LHCGR: variants seen among roughly 807,000 people sequenced by gnomAD.
LHCGR encodes the protein lutropin-choriogonadotropic hormone receptor.
In LHCGR, 55 loss-of-function variants were observed where a neutral mutation model predicts 60.7. That is an observed-to-expected ratio of 0.91 (90% CI 0.73 to 1.13). The LOEUF is 1.13. Among genes scored for constraint, LHCGR ranks in the 50% most tolerant of loss-of-function variants. The pLI is 0.00. For missense variants in LHCGR, 862 were observed against 836.0 expected, an observed-to-expected ratio of 1.03 and a Z score of -0.38; for synonymous variants, 337 against 316.5, an observed-to-expected ratio of 1.06 and a Z score of -0.69.
intron 6 of LHCGR, among the ~76,000 whole-genome samples, chr2:48,717,734 C>A (rs1668317894): frequency 6.6e-6 from 1 of 151,650 alleles, no homozygotes; most frequent in Non-Finnish European, 1.5e-5. Context: ...AGGTCAGTGG[C>A]CTGGGCTGCA....
chr2:48,714,129 G>C, intron 6 of LHCGR, 75 bp from the exon 7 acceptor site: 1 of 999,352 alleles, frequency 1.0e-6, no homozygotes, highest in Non-Finnish European at 1.6e-6. Flanking sequence ...TTTTCCTCCT[G>C]TAACATATAT....
intron 2 of LHCGR, among the ~76,000 whole-genome samples, chr2:48,730,888 T>C (rs1462686690): frequency 6.6e-6 from 1 of 152,220 alleles, no homozygotes; most frequent in Non-Finnish European, 1.5e-5. Flanking sequence ...GTGGGTGTTA[T>C]CTAAAAATGT....
chr2:48,689,236 TAATG>T (rs547273467), intron 10 of LHCGR, among the ~76,000 whole-genome samples: 13 of 152,014 alleles, frequency 8.6e-5, no homozygotes, highest in South Asian at 6.2e-4. Flanking sequence ...TACAAAAACT[TAATG>T]AAGCTCTTTA....
chr2:48,738,342 T>C (rs963171415), intron 1 of LHCGR, among the ~76,000 whole-genome samples: 1 of 152,208 alleles, frequency 6.6e-6, no homozygotes, highest in African/African-American at 2.4e-5. Flanking sequence ...ACATTGTCTC[T>C]TGCTTCCAGC....
intron 8 of LHCGR, among the ~76,000 whole-genome samples, chr2:48,703,513 C>G (rs1012911694): frequency 2.0e-5 from 3 of 152,164 alleles, no homozygotes; most frequent in African/African-American, 4.8e-5. Flanking sequence ...TTTCCTGACA[C>G]CATTTATTAA....
intron 1 of LHCGR, among the ~76,000 whole-genome samples, chr2:48,743,593 C>A (rs1353026590): frequency 6.6e-6 from 1 of 152,066 alleles, no homozygotes; most frequent in Non-Finnish European, 1.5e-5. Flanking sequence ...AGACAAAAAC[C>A]ACATGATTAT....
intron 1 of LHCGR, among the ~76,000 whole-genome samples, chr2:48,738,999 T>C (rs569831209): frequency 6.6e-6 from 1 of 152,340 alleles, no homozygotes; most frequent in African/African-American, 2.4e-5. Flanking sequence ...TGACTCACAC[T>C]TTCCTGATGT....
intron 3 of LHCGR, among the ~76,000 whole-genome samples, chr2:48,726,782 G>T (rs1287370024): frequency 1.3e-5 from 2 of 152,170 alleles, no homozygotes; most frequent in Non-Finnish European, 2.9e-5. Context: ...TTTCCTTATA[G>T]TGTTGTTTTT....
chr2:48,708,281 G>A (rs1341815185), intron 8 of LHCGR, among the ~76,000 whole-genome samples: 1 of 152,164 alleles, frequency 6.6e-6, no homozygotes, highest in East Asian at 1.9e-4. Flanking sequence ...GGGCATGCCA[G>A]ATCTTTGGCC....
At chr2:48,746,869 T>C (rs1014445718) in intron 1 of LHCGR, among the ~76,000 whole-genome samples, 1 of 152,224 alleles carries the variant, frequency 6.6e-6, no homozygotes, top group East Asian at 1.9e-4. Flanking sequence ...GGGTTCTCCC[T>C]GGGGAATGTC....
chr2:48,731,372 G>T (rs1399516234), intron 1 of LHCGR, 74 bp from the exon 2 acceptor site: 2 of 1,008,758 alleles, frequency 2.0e-6, no homozygotes, highest in African/African-American at 1.6e-5. Context: ...GAATAAAATG[G>T]GTATGTGTAT....
At position 48,707,311 on chromosome 2, in the gene LHCGR, C is replaced by G. The variant is rs187754950; in HGVS notation, c.680+1637G>C. Among the ~76,000 whole-genome samples, 190 of 152,338 alleles carry G rather than the reference C, an allele frequency of 1.2e-3. 1 individual carries two copies. The highest frequency in any genetic ancestry group is 2.3e-3 in the Non-Finnish European group (157 of 68,036). On this transcript the variant is annotated intron_variant, in intron 8 of 10. Coordinates refer to ENST00000294954, the MANE Select transcript of LHCGR (RefSeq NM_000233.4). ...CCTGCCAGATGCTGGCCAGAGCTCT[C>G]CTGTGTGAGGTGGTTGTCAGCCCCT...
intron 6 of LHCGR, chr2:48,719,920 A>G (rs1042922912): frequency 1.3e-5 from 2 of 152,168 alleles, no homozygotes; most frequent in Admixed American, 1.3e-4. Context: ...GCTGCTCCAC[A>G]CGATCCTTTG....
intron 7 of LHCGR, among the ~76,000 whole-genome samples, chr2:48,712,446 T>C (rs950225546): frequency 3.9e-5 from 6 of 152,168 alleles, no homozygotes; most frequent in African/African-American, 1.4e-4. Flanking sequence ...TAAATGCCTC[T>C]GATTTAAGTT....
intron 1 of LHCGR, among the ~76,000 whole-genome samples, chr2:48,747,091 C>CT (rs10625923): frequency 0.073 from 10,916 of 148,832 alleles, 532 homozygotes; most frequent in Admixed American, 0.11. Flanking sequence ...TTTTCTTTTA[C>CT]TTTTTTTTTT....
At chr2:48,751,155 A>G (rs1669938697) in intron 1 of LHCGR, among the ~76,000 whole-genome samples, 1 of 152,200 alleles carries the variant, frequency 6.6e-6, no homozygotes, top group East Asian at 1.9e-4. Flanking sequence ...TTCATGGGGA[A>G]GTGACTCCTA....
intron 6 of LHCGR, among the ~76,000 whole-genome samples, chr2:48,722,013 G>C (rs1668519140): frequency 6.6e-6 from 1 of 152,166 alleles, no homozygotes; most frequent in Non-Finnish European, 1.5e-5. Flanking sequence ...AGCTGGGTGT[G>C]GTGGCACACG....
At chr2:48,737,124 G>A (rs926705911) in intron 1 of LHCGR, among the ~76,000 whole-genome samples, 6 of 152,162 alleles carry the variant, frequency 3.9e-5, no homozygotes, top group Admixed American at 3.9e-4. Context: ...ACTTGCCAGA[G>A]CTTTTACTTT....
chr2:48,739,380 C>T (rs996333687), intron 1 of LHCGR, among the ~76,000 whole-genome samples: 1 of 152,206 alleles, frequency 6.6e-6, no homozygotes, highest in Non-Finnish European at 1.5e-5. Flanking sequence ...TATTGCGGCA[C>T]TATTCACAAT....
Sources: allele counts gnomAD v4.1 joint callset (sites outside exome capture counted in the v4.1 genomes callset), GRCh38; gene constraint gnomAD v4.1.1; transcripts MANE v1.5; gene names NCBI Gene and HGNC (gene_info 2026-07-23, HGNC 2026-07-21).